KIF5B: variants seen among roughly 807,000 people sequenced by gnomAD.
KIF5B encodes the protein kinesin family member 5B, also known as kinesin-1 heavy chain.
In KIF5B, 49 loss-of-function variants were observed where a neutral mutation model predicts 132.8. The observed-to-expected ratio is 0.37, with a 90% CI of 0.29 to 0.47. The LOEUF is 0.47. KIF5B is among the 20% of genes least tolerant of loss of function. KIF5B has a pLI of 1.00. For synonymous variants in KIF5B, 355 were observed against 369.4 expected (o/e 0.96, Z 0.45); for missense variants, 780 against 1,144.0 (o/e 0.68, Z 4.59).
intron 19 of KIF5B, 70 bp from the exon 20 acceptor site, chr10:32,020,029 C>A (rs1431309655): frequency 1.6e-5 from 17 of 1,062,028 alleles, no homozygotes; most frequent in Non-Finnish European, 2.4e-5. Context: ...ATTAAAATTT[C>A]CAAACTTTTA....
intron 13 of KIF5B, 137 bp from the exon 14 acceptor site, chr10:32,031,416 C>G: frequency 3.0e-6 from 2 of 673,220 alleles, no homozygotes; most frequent in Admixed American, 5.5e-5. Context: ...ATTCATTAAA[C>G]AGATTTACTA....
intron 23 of KIF5B, 55 bp downstream of exon 23, chr10:32,017,997 C>T: frequency 2.1e-6 from 2 of 944,760 alleles, no homozygotes; most frequent in Non-Finnish European, 3.2e-6. Flanking sequence ...CTTGCCAATC[C>T]TCAATTTTTG....
chr10:32,037,322 CTT>C lies in KIF5B; in HGVS notation c.641_642del (p.Gln214ArgfsTer17), dbSNP rs1458402004. The C allele has an allele frequency of 3.7e-6, 6 of 1,613,524 alleles. No individual in the cohort carries two copies. Among genetic ancestry groups the C allele is most frequent in the African/African-American group, 1.3e-5 (1 of 74,938 alleles). ...AGCTTTTGTTCCGTTTGTGTGTTCT[CTT>C]GTTTGACATTAATAAGAAATATACT... Reference protein sequence around the residue: ...SHSIFLINVKQENTQTEQKLS... With the variant: ...SHSIFLINVKXENTQTEQKLS... On this transcript the variant is annotated frameshift_variant, in exon 8 of 26. Transcript: ENST00000302418. LOFTEE classifies it high-confidence loss of function.
intron 1 of KIF5B, among the ~76,000 whole-genome samples, chr10:32,052,485 G>A (rs1395010447): frequency 2.0e-5 from 3 of 152,168 alleles, no homozygotes; most frequent in Admixed American, 1.3e-4. Context: ...CCTTTACGGT[G>A]TACCATATAA....
At chr10:32,039,919 T>G (rs1174435866) in intron 3 of KIF5B, among the ~76,000 whole-genome samples, 1 of 152,180 alleles carries the variant, frequency 6.6e-6, no homozygotes, top group African/African-American at 2.4e-5. Flanking sequence ...AATCACAGGC[T>G]GTTTTCTAGA....
intron 1 of KIF5B, among the ~76,000 whole-genome samples, chr10:32,052,266 T>C: frequency 6.6e-6 from 1 of 152,226 alleles, no homozygotes; most frequent in Non-Finnish European, 1.5e-5. Context: ...TATAGTGGGC[T>C]AACATTCCAC....
chr10:32,012,675 T>G (rs752923176), intron 25 of KIF5B, among the ~76,000 whole-genome samples: 6 of 152,218 alleles, frequency 3.9e-5, no homozygotes, highest in Non-Finnish European at 7.3e-5. Context: ...GGTGTCACTT[T>G]ACTGCTATCA....
intron 6 of KIF5B, 108 bp downstream of exon 6, chr10:32,038,055 A>T: frequency 1.7e-6 from 1 of 593,692 alleles, no homozygotes; most frequent in Non-Finnish European, 3.0e-6. Context: ...GGTTGCAGTG[A>T]GCCGAGATTG....
chr10:32,013,778 G>GA (rs1295579030), intron 25 of KIF5B, among the ~76,000 whole-genome samples: 1 of 152,060 alleles, frequency 6.6e-6, no homozygotes, highest in Non-Finnish European at 1.5e-5. Flanking sequence ...GTCAGAATGA[G>GA]AAAAAAACTA....
At chr10:32,016,799 G>T (rs1841175570) in intron 24 of KIF5B, among the ~76,000 whole-genome samples, 1 of 152,198 alleles carries the variant, frequency 6.6e-6, no homozygotes, top group Non-Finnish European at 1.5e-5. Flanking sequence ...ACCTCCCAAA[G>T]TGTTGGGATT....
intron 13 of KIF5B, among the ~76,000 whole-genome samples, 181 bp downstream of exon 13, chr10:32,032,525 C>G (rs1216862448): frequency 6.6e-6 from 1 of 152,166 alleles, no homozygotes; most frequent in African/African-American, 2.4e-5. Context: ...AAATGAACAA[C>G]AGATTGTATC....
rs186941079 is a variant in KIF5B, at chr10:32,031,019, G to C, written c.1581+54C>G. On this transcript the variant is annotated intron_variant, in intron 14 of 25. Transcript: ENST00000302418. ...AAGTAAGTTATTTAAGTAGTTTTTAGGTTAAGAATACTTGTACTAAAGCAT... is the reference window on the plus strand; with the variant it reads ...AAGTAAGTTATTTAAGTAGTTTTTACGTTAAGAATACTTGTACTAAAGCAT... 160 of 1,272,436 alleles carry C rather than the reference G, an allele frequency of 1.3e-4. No homozygotes were observed. The East Asian group carries it at 3.7e-3, about 30-fold the overall frequency. The allele number at this position is 1,272,436 out of a possible 1,614,324, so 78.8% of individuals were successfully genotyped here.
intron 25 of KIF5B, among the ~76,000 whole-genome samples, chr10:32,013,310 AT>A (rs1841110268): frequency 6.6e-6 from 1 of 152,226 alleles, no homozygotes; most frequent in South Asian, 2.1e-4. Flanking sequence ...CAGCTATTGT[AT>A]GTCTACTGAT....
intron 15 of KIF5B, among the ~76,000 whole-genome samples, chr10:32,026,045 T>C (rs1841329233): frequency 6.6e-6 from 1 of 152,164 alleles, no homozygotes; most frequent in African/African-American, 2.4e-5. Flanking sequence ...ACCGGACCTA[T>C]AATATTATGC....
At chr10:32,012,773 T>C (rs1301519597) in intron 25 of KIF5B, among the ~76,000 whole-genome samples, 4 of 152,114 alleles carry the variant, frequency 2.6e-5, no homozygotes, top group African/African-American at 9.7e-5. Flanking sequence ...GAGGACAATA[T>C]CCAAAAAGGA....
chr10:32,039,505 C>A, intron 3 of KIF5B, 74 bp from the exon 4 acceptor site: 1 of 717,830 alleles, frequency 1.4e-6, no homozygotes, highest in East Asian at 2.9e-5. Context: ...TTTCAATCTA[C>A]AACTTATAGT....
intron 14 of KIF5B, among the ~76,000 whole-genome samples, chr10:32,028,844 A>G (rs1254320722): frequency 6.6e-6 from 1 of 152,122 alleles, no homozygotes; most frequent in Non-Finnish European, 1.5e-5. Context: ...ATTGAATAAT[A>G]TTTTCTGTCT....
intron 2 of KIF5B, among the ~76,000 whole-genome samples, chr10:32,047,248 C>G (rs972935175): frequency 3.3e-5 from 5 of 151,960 alleles, no homozygotes; most frequent in African/African-American, 9.7e-5. Context: ...CCACTGAGAT[C>G]TACAACCCAC....
intron 1 of KIF5B, among the ~76,000 whole-genome samples, chr10:32,055,080 C>T (rs553793389): frequency 3.7e-4 from 56 of 151,968 alleles, no homozygotes; most frequent in African/African-American, 1.3e-3. Flanking sequence ...GGCTGTTATC[C>T]CATAAAACCT....
Sources: gnomAD v4.1 joint callset for allele counts (sites outside exome capture counted in the v4.1 genomes callset) on GRCh38, gnomAD v4.1.1 for gene constraint, MANE v1.5 for transcripts, NCBI Gene and HGNC (gene_info 2026-07-23, HGNC 2026-07-21) for gene names.